The following ABLIM2 variants were observed in gnomAD, a reference collection of about 807,000 sequenced individuals.
The protein encoded by ABLIM2 is actin binding LIM protein family member 2.
In ABLIM2, 53 loss-of-function variants were observed where a neutral mutation model predicts 97.7. The observed-to-expected ratio is 0.54, with a 90% CI of 0.44 to 0.68. The LOEUF is 0.68. ABLIM2 is among the 30% of genes least tolerant of loss of function. The pLI is 0.00. For synonymous variants in ABLIM2, 361 were observed against 345.8 expected, an observed-to-expected ratio of 1.04 and a Z score of -0.49; for missense variants, 835 against 867.2, an observed-to-expected ratio of 0.96 and a Z score of 0.47.
chr4:8,085,979 G>T lies in ABLIM2; in HGVS notation c.454+2190C>A, dbSNP rs914301985. ...GCACACCCACCCCTGCCAGGTACAGGGCACTCCTGCACCTGCAGAAGAGCT... is the reference window on the plus strand; with the variant it reads ...GCACACCCACCCCTGCCAGGTACAGTGCACTCCTGCACCTGCAGAAGAGCT... On this transcript the variant is annotated intron_variant, in intron 4 of 20. Coordinates refer to ENST00000447017, the MANE Select transcript of ABLIM2 (RefSeq NM_001130083.2). The surrounding 1 kb of genome is among the most constrained non-coding windows in gnomAD (Gnocchi z 6.1). Among the ~76,000 whole-genome samples the T allele has an allele frequency of 6.6e-6, 1 of 152,078 alleles. No individual in the cohort carries two copies. Among genetic ancestry groups the T allele is most frequent in the Non-Finnish European group, 1.5e-5 (1 of 68,020 alleles).
rs184519301 is a variant in ABLIM2, at chr4:8,139,600, G to A, written c.10+19080C>T. On this transcript the variant is annotated intron_variant, in intron 1 of 20. Transcript: ENST00000447017. ...GGCGATTATTAAAAAGTCAAGAAAC[G>A]ACAAATGCTTGCGAGGCTGTGGAGA... is the stretch of plus-strand genomic sequence containing the variant. Among the ~76,000 whole-genome samples the A allele has an allele frequency of 2.7e-3, 409 of 152,224 alleles. 3 individuals carry two copies. The highest frequency in any genetic ancestry group is 9.2e-3 in the African/African-American group (382 of 41,548).
chr4:7,991,320 T>C (rs914947283), intron 17 of ABLIM2, among the ~76,000 whole-genome samples: 5 of 152,174 alleles, frequency 3.3e-5, no homozygotes, highest in African/African-American at 1.2e-4. Flanking sequence ...AAATGCAGAG[T>C]GTGCTGCTCT....
rs553203920 is a variant in ABLIM2, at chr4:8,048,056, G to A, written c.823-2815C>T. Among the ~76,000 whole-genome samples, 15 of 152,328 alleles carry A rather than the reference G, an allele frequency of 9.8e-5. No individual in the cohort carries two copies. In the East Asian group the frequency reaches 2.9e-3, roughly 29 times the overall value. On this transcript the variant is annotated intron_variant, in intron 8 of 20. Transcript: ENST00000447017. ...GGAGCGTTGGCTGGTTTCAGCACGG[G>A]GCCAGGGGCCAGGTTTGCTCTCTGC...
chr4:8,050,815 C>T (rs1045899398), intron 8 of ABLIM2, among the ~76,000 whole-genome samples: 6 of 152,224 alleles, frequency 3.9e-5, no homozygotes, highest in African/African-American at 7.2e-5. Flanking sequence ...TCCCTGGACT[C>T]GGCGCTAAGA....
Position 8,059,830 on chromosome 4 carries a change from C to G in ABLIM2, c.763+1137G>C, listed in dbSNP as rs192620154. On this transcript the variant is annotated intron_variant, in intron 7 of 20. Transcript: ENST00000447017. ...CTGAGGCAGGAGAATTGCTTGAACC[C>G]AGGAGGTGGAGGTTGCAGTGAGCCA... Among the ~76,000 whole-genome samples the G allele has an allele frequency of 2.6e-3, 398 of 151,058 alleles. 17 individuals carry two copies. The East Asian group carries it at 0.057, about 22-fold the overall frequency.
At chr4:8,116,212 G>T (rs903449239) in intron 1 of ABLIM2, among the ~76,000 whole-genome samples, 8 of 152,184 alleles carry the variant, frequency 5.3e-5, no homozygotes, top group African/African-American at 9.7e-5. Context: ...GGGGTGGTTT[G>T]TTAGGCAGCC....
chr4:8,012,677 G>A (rs554167051), intron 14 of ABLIM2, among the ~76,000 whole-genome samples: 1 of 150,778 alleles, frequency 6.6e-6, no homozygotes, highest in South Asian at 2.1e-4. Context: ...CCATCCACTT[G>A]TGCCTTCACT....
intron 20 of ABLIM2, among the ~76,000 whole-genome samples, chr4:7,978,945 T>C (rs896903317): frequency 2.6e-5 from 4 of 152,102 alleles, no homozygotes; most frequent in African/African-American, 9.7e-5. Flanking sequence ...GCCTCCTGAG[T>C]GTGAGGCGGG....
intron 7 of ABLIM2, among the ~76,000 whole-genome samples, chr4:8,057,663 G>T (rs968807585): frequency 1.9e-4 from 29 of 152,102 alleles, no homozygotes; most frequent in African/African-American, 6.3e-4. Flanking sequence ...ATTTTAATAC[G>T]GGCATCTTAA....
At position 8,036,264 on chromosome 4, in the gene ABLIM2, C is replaced by G. The variant is rs1404052105; in HGVS notation, c.932G>C (p.Arg311Thr). 5 of 1,613,756 alleles carry G rather than the reference C, an allele frequency of 3.1e-6. No homozygotes were observed. ...ACTTTTAGGAAGGGCTGCCAAGTCC[C>G]TGTAGTCCAGGATCTCACCACCAAG... ...AKLGGEILDY[R>T]DLAALPKSKA... Residue 311 changes from arginine to threonine, a missense_variant, in exon 10 of 21, where the codon AGG becomes ACG. By Grantham distance (71) the Arg-to-Thr change is moderately conservative. Transcript: ENST00000447017.
chr4:8,131,874 A>G (rs369373890), intron 1 of ABLIM2, among the ~76,000 whole-genome samples: 8 of 134,450 alleles, frequency 6.0e-5, no homozygotes, highest in African/African-American at 1.1e-4. Context: ...TCCCCTGCAC[A>G]GCAGCCCGCA....
At chr4:8,073,685 C>T (rs1813917330) in intron 6 of ABLIM2, among the ~76,000 whole-genome samples, 1 of 152,224 alleles carries the variant, frequency 6.6e-6, no homozygotes, top group Admixed American at 6.5e-5. Flanking sequence ...ACAGACAGAA[C>T]ATCTGCAGCC....
rs979359099 is a variant in ABLIM2, at chr4:8,032,974, C to T, written c.1047+3175G>A. 2.0e-5 allele frequency among the ~76,000 whole-genome samples: 3 copies of T among 152,236 alleles called. No homozygotes were observed. The highest frequency in any genetic ancestry group is 7.2e-5 in the African/African-American group (3 of 41,458). ...ACCCCCACGTCCCACTGTTCTCCCA[C>T]AAAGATGTGTTTTCCCAAAAGGAAG... On this transcript the variant is annotated intron_variant, in intron 10 of 20. Coordinates refer to ENST00000447017, the MANE Select transcript of ABLIM2 (RefSeq NM_001130083.2). This position sits in a 1 kb window ranked among gnomAD's most constrained non-coding sequence, Gnocchi z 4.3.
At position 8,144,492 on chromosome 4, in the gene ABLIM2, G is replaced by A. The variant is rs148438857; in HGVS notation, c.10+14188C>T. On this transcript the variant is annotated intron_variant, in intron 1 of 20. Transcript: ENST00000447017. ...TAAAATGACTCCCGCGCTGAGCTGCGAGAAGGCTTGTGAAAGCCTCGCAGG... is the reference window on the plus strand; with the variant it reads ...TAAAATGACTCCCGCGCTGAGCTGCAAGAAGGCTTGTGAAAGCCTCGCAGG... Among the ~76,000 whole-genome samples, 387 of 152,102 alleles carry A rather than the reference G, an allele frequency of 2.5e-3. 6 individuals are homozygous for A. Among genetic ancestry groups the A allele is most frequent in the Non-Finnish European group, 2.2e-3 (151 of 67,974 alleles).
intron 3 of ABLIM2, among the ~76,000 whole-genome samples, chr4:8,091,830 AAAT>A (rs1398653942): frequency 1.3e-4 from 9 of 68,042 alleles, no homozygotes; most frequent in African/African-American, 3.2e-4. Context: ...TATATTATAT[AAAT>A]AATATAATAT....
chr4:7,977,341 T>C (rs1015580752), intron 20 of ABLIM2, among the ~76,000 whole-genome samples: 4 of 152,062 alleles, frequency 2.6e-5, no homozygotes, highest in Non-Finnish European at 5.9e-5. Flanking sequence ...TTTATAGCAG[T>C]GTAAAAATGG....
rs756866957 is a variant in ABLIM2, at chr4:8,019,808, C to T, written c.1370-137G>A. 1.3e-4 allele frequency: 111 copies of T among 839,464 alleles called. No homozygotes were observed. Among genetic ancestry groups the T allele is most frequent in the Non-Finnish European group, 1.9e-4 (103 of 531,520 alleles). 52.0% of individuals were successfully genotyped at this position (839,464 alleles called of 1,614,324 possible). Reference sequence around the variant, plus strand: ...TCATCAGGCAGGAACTGGCACCCAGCGAGCGACAGACACCCAGGCCCCAGA... The same window carrying T: ...TCATCAGGCAGGAACTGGCACCCAGTGAGCGACAGACACCCAGGCCCCAGA... On this transcript the variant is annotated intron_variant, in intron 13 of 20. Coordinates refer to ENST00000447017, the MANE Select transcript of ABLIM2 (RefSeq NM_001130083.2). This position sits in a 1 kb window ranked among gnomAD's most constrained non-coding sequence, Gnocchi z 4.3.
Position 8,071,804 on chromosome 4 carries a change from G to A in ABLIM2, c.675+5824C>T, listed in dbSNP as rs551169851. 80 of 984,940 alleles carry A rather than the reference G, an allele frequency of 8.1e-5. No individual in the cohort carries two copies. In the African/African-American group the frequency reaches 1.3e-3, roughly 16 times the overall value. 61.0% of individuals were successfully genotyped at this position (984,940 alleles called of 1,614,324 possible). On this transcript the variant is annotated intron_variant, in intron 6 of 20. Coordinates refer to ENST00000447017, the MANE Select transcript of ABLIM2 (RefSeq NM_001130083.2). The surrounding 1 kb of genome is among the most constrained non-coding windows in gnomAD (Gnocchi z 6.2). ...TCTGGGCACCAGAGCCCAGTCTGAC[G>A]GCCCTGCTTGAGTGCCGTGCTCCCT...
rs1476424892 is a variant in ABLIM2 at position 8,148,631 on chromosome 4, C to T, written c.10+10049G>A. 2.1e-5 allele frequency among the ~76,000 whole-genome samples: 3 copies of T among 145,412 alleles called. No individual in the cohort carries two copies. The highest frequency in any genetic ancestry group is 2.0e-4 in the East Asian group (1 of 5,106). ...GTGCTGGGTCCACACTGGGGAAGCG[C>T]GTAAGCCGTTCCCCCGTGGGCATGC... On this transcript the variant is annotated intron_variant, in intron 1 of 20. Coordinates refer to ENST00000447017, the MANE Select transcript of ABLIM2 (RefSeq NM_001130083.2). The surrounding 1 kb of genome is among the most constrained non-coding windows in gnomAD (Gnocchi z 6.7).
Sources: gnomAD v4.1 joint callset for allele counts (sites outside exome capture counted in the v4.1 genomes callset) on GRCh38, gnomAD v4.1.1 for gene constraint, Gnocchi (gnomAD v3.1) non-coding constraint, MANE v1.5 for transcripts, NCBI Gene and HGNC (gene_info 2026-07-23, HGNC 2026-07-21) for gene names.